Variants in MGMT observed in about 807,000 individuals in gnomAD.
The protein encoded by MGMT is methylated-DNA--protein-cysteine methyltransferase.
MGMT carries 14 observed loss-of-function variants against 15.9 expected under a neutral mutation model. The observed-to-expected ratio is 0.88, with a 90% CI of 0.58 to 1.37. The LOEUF (loss-of-function observed/expected upper bound fraction) is 1.37. Among genes scored for constraint, MGMT ranks in the 40% most tolerant of loss-of-function variants. The probability of loss-of-function intolerance (pLI) is 0.00; values close to 1 mark genes in which losing one functional copy is unlikely to be tolerated. For synonymous variants in MGMT, 130 were observed against 118.2 expected, an observed-to-expected ratio of 1.10 and a Z score of -0.65; for missense variants, 282 against 268.1, an observed-to-expected ratio of 1.05 and a Z score of -0.36.
intron 2 of MGMT, among the ~76,000 whole-genome samples, chr10:129,705,254 C>G (rs538156525): frequency 6.6e-6 from 1 of 152,160 alleles, no homozygotes; most frequent in African/African-American, 2.4e-5. Context: ...CCAGCTTTGC[C>G]GTTTTTAATT....
In MGMT at chr10:129,511,211, A is replaced by G. The variant is rs140543628; in HGVS notation, c.-12-25030A>G. ...TCATGCAGTAGGAACCCTGTATATC[A>G]GATGCAGCCACGTGCTTCCTGTGAT... On this transcript the variant is annotated intron_variant, in intron 1 of 4. Transcript: ENST00000651593. Among the ~76,000 whole-genome samples, 919 of 142,816 alleles carry G rather than the reference A, an allele frequency of 6.4e-3. 5 individuals are homozygous for G. Among genetic ancestry groups the G allele is most frequent in the Non-Finnish European group, 9.5e-3 (627 of 65,936 alleles). The allele number at this position is 142,816 out of a possible 152,430, so 93.7% of individuals were successfully genotyped here.
At chr10:129,635,399 T>A (rs1847253908) in intron 2 of MGMT, among the ~76,000 whole-genome samples, 1 of 152,234 alleles carries the variant, frequency 6.6e-6, no homozygotes, top group African/African-American at 2.4e-5. Context: ...TGTGTGCCCC[T>A]CCGGGTGCCC....
chr10:129,563,216 A>G (rs1207597732), intron 2 of MGMT, among the ~76,000 whole-genome samples: 3 of 152,230 alleles, frequency 2.0e-5, no homozygotes, highest in African/African-American at 7.2e-5. Context: ...GTCGAGGCAC[A>G]TCTCTGTTTG....
chr10:129,638,290 T>C (rs978701397), intron 2 of MGMT, among the ~76,000 whole-genome samples: 3 of 151,334 alleles, frequency 2.0e-5, no homozygotes, highest in African/African-American at 7.3e-5. Context: ...AGAACAATGG[T>C]TCAAAAAACA....
At chr10:129,506,728 C>T (rs955811731) in intron 1 of MGMT, among the ~76,000 whole-genome samples, 1 of 151,508 alleles carries the variant, frequency 6.6e-6, no homozygotes, top group African/African-American at 2.4e-5. Context: ...CCATACTTCA[C>T]ATTTTTCTTT....
intron 3 of MGMT, among the ~76,000 whole-genome samples, chr10:129,732,618 A>G (rs1052182953): frequency 6.6e-6 from 1 of 151,062 alleles, no homozygotes; most frequent in African/African-American, 2.4e-5. Context: ...CAGGTTAGTT[A>G]CATATGTATA....
intron 2 of MGMT, among the ~76,000 whole-genome samples, chr10:129,614,403 G>A (rs907061916): frequency 2.0e-5 from 3 of 152,154 alleles, no homozygotes; most frequent in Admixed American, 1.3e-4. Context: ...CCGAGCCTGC[G>A]CTGGTTTTGC....
At chr10:129,689,847 AC>A (rs1847950174) in intron 2 of MGMT, among the ~76,000 whole-genome samples, 1 of 152,246 alleles carries the variant, frequency 6.6e-6, no homozygotes, top group Non-Finnish European at 1.5e-5. Flanking sequence ...GGCTAGACCA[AC>A]AAAACAATGC....
rs149593314 is a variant in MGMT, at chr10:129,706,591, CG to C, written c.126-1300del. ...TCCGTGCTCCAAGCCTGGGAAGTCC[CG>C]GGGAAGCATGCCGTTTGTCTGGGGC... On this transcript the variant is annotated intron_variant, in intron 2 of 4. Coordinates refer to ENST00000651593, the MANE Select transcript of MGMT (RefSeq NM_002412.5). Among the ~76,000 whole-genome samples, 117 of 152,254 alleles carry C rather than the reference CG, an allele frequency of 7.7e-4. 2 individuals are homozygous for C. In the East Asian group the frequency reaches 0.022, roughly 28 times the overall value.
At chr10:129,686,655 G>A (rs1421440109) in intron 2 of MGMT, among the ~76,000 whole-genome samples, 1 of 152,202 alleles carries the variant, frequency 6.6e-6, no homozygotes, top group Non-Finnish European at 1.5e-5. Context: ...GTGCCACCGT[G>A]CCCGGCCTGC....
chr10:129,641,652 T>C (rs1847329213), intron 2 of MGMT, among the ~76,000 whole-genome samples: 1 of 152,186 alleles, frequency 6.6e-6, no homozygotes, highest in South Asian at 2.1e-4. Flanking sequence ...TGCTACATCT[T>C]GGGGAAAATA....
intron 1 of MGMT, among the ~76,000 whole-genome samples, chr10:129,498,014 A>G (rs1845539993): frequency 1.3e-5 from 2 of 152,262 alleles, no homozygotes; most frequent in Non-Finnish European, 2.9e-5. Context: ...TAAGACGTCT[A>G]ACTTGTGACA....
chr10:129,685,261 A>T (rs1847892732), intron 2 of MGMT, among the ~76,000 whole-genome samples: 1 of 152,248 alleles, frequency 6.6e-6, no homozygotes, highest in African/African-American at 2.4e-5. Context: ...AATGACTTGA[A>T]CAAGACTGCT....
intron 2 of MGMT, among the ~76,000 whole-genome samples, chr10:129,575,820 C>A (rs936827569): frequency 9.2e-5 from 14 of 151,984 alleles, no homozygotes; most frequent in African/African-American, 3.4e-4. Flanking sequence ...AGAGAAGAAT[C>A]AAATAGACGC....
chr10:129,713,433 C>G (rs147467358), intron 3 of MGMT, among the ~76,000 whole-genome samples: 1 of 152,142 alleles, frequency 6.6e-6, no homozygotes, highest in African/African-American at 2.4e-5. Flanking sequence ...CCTTCTGGAA[C>G]CTTCACCAGG....
At chr10:129,639,712 T>C (rs1405754483) in intron 2 of MGMT, among the ~76,000 whole-genome samples, 1 of 152,134 alleles carries the variant, frequency 6.6e-6, no homozygotes, top group East Asian at 1.9e-4. Flanking sequence ...TTTATAACAT[T>C]AAGTTTTTAT....
Position 129,605,807 on chromosome 10 carries a change from C to T in MGMT, c.125+69430C>T, listed in dbSNP as rs192244010. ...TTGCGGGTTAATTCGGAATGTGTTACTCAACTGGTATGTGCTTGCGTGGCC... is the reference window on the plus strand; with the variant it reads ...TTGCGGGTTAATTCGGAATGTGTTATTCAACTGGTATGTGCTTGCGTGGCC... On this transcript the variant is annotated intron_variant, in intron 2 of 4. Transcript: ENST00000651593. Among the ~76,000 whole-genome samples the T allele has an allele frequency of 5.9e-5, 9 of 152,206 alleles. No homozygotes were observed. The East Asian group carries it at 1.7e-3, about 29-fold the overall frequency.
At chr10:129,738,612 A>G (rs940393998) in intron 3 of MGMT, among the ~76,000 whole-genome samples, 4 of 152,170 alleles carry the variant, frequency 2.6e-5, no homozygotes, top group African/African-American at 9.6e-5. Flanking sequence ...CACATCATTG[A>G]TGGGCATTTG....
At chr10:129,733,554 T>C (rs1437612012) in intron 3 of MGMT, among the ~76,000 whole-genome samples, 2 of 151,542 alleles carry the variant, frequency 1.3e-5, no homozygotes, top group African/African-American at 2.4e-5. Context: ...GCAGAAGCTC[T>C]TTAGTTTAAT....
Sources: allele counts gnomAD v4.1 joint callset (sites outside exome capture counted in the v4.1 genomes callset), GRCh38; gene constraint gnomAD v4.1.1; transcripts MANE v1.5; gene names NCBI Gene and HGNC (gene_info 2026-07-23, HGNC 2026-07-21).